CA12: variants seen among roughly 807,000 people sequenced by gnomAD.
CA12 encodes carbonate dehydratase XII.
CA12 carries 36 observed loss-of-function variants against 46.8 expected under a neutral mutation model. That is an observed-to-expected ratio of 0.77 (90% CI 0.59 to 1.02). CA12 has a LOEUF of 1.02. Ranked by LOEUF, CA12 falls within the 50% of genes least tolerant of loss-of-function variation. CA12 has a pLI of 0.00. For missense variants in CA12, 436 were observed against 451.4 expected, an observed-to-expected ratio of 0.97 and a Z score of 0.31; for synonymous variants, 202 against 187.0, an observed-to-expected ratio of 1.08 and a Z score of -0.65.
intron 8 of CA12, among the ~76,000 whole-genome samples, chr15:63,333,942 G>A (rs1338573618): frequency 2.0e-5 from 3 of 152,206 alleles, no homozygotes; most frequent in Non-Finnish European, 4.4e-5. Context: ...CACAGGGCTA[G>A]ATGGTGTTAG....
intron 2 of CA12, among the ~76,000 whole-genome samples, chr15:63,369,576 C>A (rs530780271): frequency 6.6e-6 from 1 of 152,316 alleles, no homozygotes; most frequent in South Asian, 2.1e-4. Context: ...AGGAGGTAGG[C>A]CTGGGATGGG....
At chr15:63,353,535 G>T (rs900588213) in intron 2 of CA12, among the ~76,000 whole-genome samples, 22 of 152,088 alleles carry the variant, frequency 1.4e-4, no homozygotes, top group Admixed American at 4.6e-4. Flanking sequence ...TGTTAGAAAG[G>T]TCTTCCTGTT....
rs1486103751 is a variant in CA12, at chr15:63,340,793, A to C, written c.526-10T>G. The C allele has an allele frequency of 1.9e-6, 3 of 1,613,710 alleles. No individual in the cohort carries two copies. Among genetic ancestry groups the C allele is most frequent in the African/African-American group, 2.7e-5 (2 of 74,934 alleles). ...GATTGAAGGAGCCCATCTGCAACAG[A>C]GACAGGGCAGGTTAAACTGGGACAG... On this transcript the variant is annotated splice_polypyrimidine_tract_variant and intron_variant, in intron 5 of 10. Transcript: ENST00000178638. This position sits in a 1 kb window ranked among gnomAD's most constrained non-coding sequence, Gnocchi z 4.4.
At chr15:63,376,045 G>A in intron 1 of CA12, among the ~76,000 whole-genome samples, 1 of 152,182 alleles carries the variant, frequency 6.6e-6, no homozygotes. Context: ...CCGACCTCAG[G>A]TGATCCGCCT....
chr15:63,327,259 T>C lies in CA12; in HGVS notation c.908-26A>G. 1.3e-6 allele frequency: 2 copies of C among 1,588,142 alleles called. No individual in the cohort carries two copies. Among genetic ancestry groups the C allele is most frequent in the Non-Finnish European group, 1.7e-6 (2 of 1,158,218 alleles). Reference sequence around the variant, plus strand: ...CTGGTGAAGAGGTAGAGGGCACACATTACATTCCTTCCTTCCCCTCCATCT... The same window carrying C: ...CTGGTGAAGAGGTAGAGGGCACACACTACATTCCTTCCTTCCCCTCCATCT... On this transcript the variant is annotated intron_variant, in intron 9 of 10. Coordinates refer to ENST00000178638, the MANE Select transcript of CA12 (RefSeq NM_001218.5). This position sits in a 1 kb window ranked among gnomAD's most constrained non-coding sequence, Gnocchi z 4.5.
At chr15:63,370,184 G>C (rs1441961930) in intron 2 of CA12, among the ~76,000 whole-genome samples, 1 of 152,190 alleles carries the variant, frequency 6.6e-6, no homozygotes, top group African/African-American at 2.4e-5. Flanking sequence ...ATGTCTGCCA[G>C]GCACGGTGGC....
At position 63,346,616 on chromosome 15, in the gene CA12, T is replaced by C. The variant is rs752292150; in HGVS notation, c.200A>G (p.Tyr67Cys). 6 of 1,613,494 alleles carry C rather than the reference T, an allele frequency of 3.7e-6. No individual in the cohort carries two copies. In the Admixed American group the frequency reaches 8.3e-5, roughly 22 times the overall value. The change falls in exon 3 of 11, where the codon TAT becomes TGT. Residue 67 changes from tyrosine to cysteine, a missense_variant. Transcript: ENST00000178638. ...CTCGAGGGGCGTGAGGCTGGCGTCA[T>C]ACTGGAGGATGTCACTGTGCAGGTC... ...PIDLHSDILQ[Y>C]DASLTPLEFQ...
At chr15:63,352,098 A>C (rs1327809803) in intron 2 of CA12, among the ~76,000 whole-genome samples, 1 of 152,134 alleles carries the variant, frequency 6.6e-6, no homozygotes, top group African/African-American at 2.4e-5. Flanking sequence ...CTCTGTCACC[A>C]AGGCTGGAGT....
rs767775720 is a variant in CA12 at position 63,345,606 on chromosome 15, C to T, written c.300G>A (p.Leu100=). The change falls in exon 4 of 11, where the codon CTG becomes CTA. Residue 100 remains leucine (L), a synonymous_variant. Coordinates refer to ENST00000178638, the MANE Select transcript of CA12 (RefSeq NM_001218.5). The surrounding 1 kb of genome is among the most constrained non-coding windows in gnomAD (Gnocchi z 4.3). ...GGCCCTGGATGTGCATGTCCGAGGG[C>T]AGGTTCAGCTTCACTGCGGGGAGTG... is the stretch of plus-strand genomic sequence containing the variant. ...TNNGHSVKLN[L]PSDMHIQGLQ... is the part of the protein sequence containing the mutation. 6.2e-7 allele frequency: 1 copy of T among 1,612,748 alleles called. No homozygotes were observed. Among genetic ancestry groups the T allele is most frequent in the Admixed American group, 1.7e-5 (1 of 60,020 alleles).
At chr15:63,364,327 C>G (rs758071776) in intron 2 of CA12, among the ~76,000 whole-genome samples, 1 of 6,978 alleles carries the variant, frequency 1.4e-4, no homozygotes, top group African/African-American at 2.4e-4. Context: ...GAAACCCCGT[C>G]ACTAGAAAAA....
rs191421014 is a variant in CA12 at position 63,381,573 on chromosome 15, C to G, written c.85+63G>C. On this transcript the variant is annotated intron_variant, in intron 1 of 10. Transcript: ENST00000178638. ...ATGATTTTACTTTATCATTGAAGAG[C>G]CTTCAGCCCAGGGGCGGCTGAGCGC... 318 of 1,328,714 alleles carry G rather than the reference C, an allele frequency of 2.4e-4. No homozygotes were observed. The African/African-American group carries it at 3.6e-3, about 15-fold the overall frequency. 82.3% of individuals were successfully genotyped at this position (1,328,714 alleles called of 1,614,324 possible).
intron 10 of CA12, among the ~76,000 whole-genome samples, chr15:63,326,829 A>G (rs1490140815): frequency 6.6e-6 from 1 of 152,242 alleles, no homozygotes; most frequent in Non-Finnish European, 1.5e-5. Flanking sequence ...AGATCTTGAT[A>G]AGAAGACAGC....
At position 63,375,666 on chromosome 15, in the gene CA12, G is replaced by A; in HGVS notation, c.98C>T (p.Thr33Ile). ...SPAPVNGSKWTYFGPDGENSW... is the reference protein window; with the variant it reads ...SPAPVNGSKWIYFGPDGENSW... The stretch of plus-strand genomic sequence containing the variant: ...TTAAAATCTCTACTTACCAAAATAA[G>A]TCCACTTGGAACCTACAAAGAACAA... The change falls in exon 2 of 11, where the codon ACT becomes ATT. Residue 33 changes from threonine (T) to isoleucine (I), a missense_variant. Physicochemically the swap from Thr to Ile is moderately conservative, Grantham distance 89 (BLOSUM62 -1). Coordinates refer to ENST00000178638, the MANE Select transcript of CA12 (RefSeq NM_001218.5). 6.4e-7 allele frequency: 1 copy of A among 1,569,898 alleles called. No homozygotes were observed. Among genetic ancestry groups the A allele is most frequent in the Non-Finnish European group, 8.8e-7 (1 of 1,142,166 alleles).
In CA12 at chr15:63,373,225, C is replaced by T. The variant is rs986211829; in HGVS notation, c.106+2433G>A. Among the ~76,000 whole-genome samples, 3 of 152,016 alleles carry T rather than the reference C, an allele frequency of 2.0e-5. No homozygotes were observed. The highest frequency in any genetic ancestry group is 4.4e-5 in the Non-Finnish European group (3 of 68,006). ...AATAAAAATACAGAAATTAGCCGGG[C>T]GTGATGGCACACCCCTGTAATCCCA... On this transcript the variant is annotated intron_variant, in intron 2 of 10. Coordinates refer to ENST00000178638, the MANE Select transcript of CA12 (RefSeq NM_001218.5). This position sits in a 1 kb window ranked among gnomAD's most constrained non-coding sequence, Gnocchi z 4.9.
rs529339878 is a variant in CA12, at chr15:63,341,384, A to G, written c.526-601T>C. On this transcript the variant is annotated intron_variant, in intron 5 of 10. Coordinates refer to ENST00000178638, the MANE Select transcript of CA12 (RefSeq NM_001218.5). The surrounding 1 kb of genome is among the most constrained non-coding windows in gnomAD (Gnocchi z 5.2). ...ACAGCCTGAGCTCCGCCCCCTGTCA[A>G]ATCAGCAGAGGCCTCCCATTCTCAT... Among the ~76,000 whole-genome samples, 1 of 152,348 alleles carries G rather than the reference A, an allele frequency of 6.6e-6. No homozygotes were observed. Among genetic ancestry groups the G allele is most frequent in the East Asian group, 1.9e-4 (1 of 5,186 alleles).
intron 2 of CA12, among the ~76,000 whole-genome samples, chr15:63,351,951 G>T (rs1002712883): frequency 6.6e-6 from 1 of 152,172 alleles, no homozygotes; most frequent in African/African-American, 2.4e-5. Flanking sequence ...GATGTGGAGG[G>T]TTTTTTTAAG....
At chr15:63,360,186 CT>C (rs1459594176) in intron 2 of CA12, among the ~76,000 whole-genome samples, 1 of 152,190 alleles carries the variant, frequency 6.6e-6, no homozygotes, top group African/African-American at 2.4e-5. Flanking sequence ...ACGTTTGCAC[CT>C]GTTTCCCCAG....
chr15:63,364,047 C>A (rs1376521812), intron 2 of CA12, among the ~76,000 whole-genome samples: 1 of 151,784 alleles, frequency 6.6e-6, no homozygotes, highest in Non-Finnish European at 1.5e-5. Flanking sequence ...ATTAGCCGGG[C>A]GTGGTGGCGC....
In CA12 at chr15:63,330,939, C is replaced by T. The variant is rs1473062168; in HGVS notation, c.875-2809G>A. ...AAAGGCCCAGAGACTGGGACAGATA[C>T]TTTTCAGCCAAGACTTTGATACAGC... On this transcript the variant is annotated intron_variant, in intron 8 of 10. Coordinates refer to ENST00000178638, the MANE Select transcript of CA12 (RefSeq NM_001218.5). The surrounding 1 kb of genome is among the most constrained non-coding windows in gnomAD (Gnocchi z 4.0). Among the ~76,000 whole-genome samples the T allele has an allele frequency of 6.6e-6, 1 of 152,244 alleles. No individual in the cohort carries two copies. Among genetic ancestry groups the T allele is most frequent in the Non-Finnish European group, 1.5e-5 (1 of 68,042 alleles).
Sources: allele counts gnomAD v4.1 joint callset (sites outside exome capture counted in the v4.1 genomes callset), GRCh38; gene constraint gnomAD v4.1.1; non-coding constraint Gnocchi (gnomAD v3.1); transcripts MANE v1.5; gene names NCBI Gene and HGNC (gene_info 2026-07-23, HGNC 2026-07-21).